Variants in CCDC178 observed in about 807,000 individuals in gnomAD.
The protein encoded by CCDC178 is coiled-coil domain containing 178.
A neutral mutation model predicts 117.4 loss-of-function variants in CCDC178; 126 were observed. That is an observed-to-expected ratio of 1.07 (90% CI 0.93 to 1.24). The LOEUF (loss-of-function observed/expected upper bound fraction) is 1.24, where lower values mean the gene tolerates loss of function less well. Among genes scored for constraint, CCDC178 ranks in the 50% most tolerant of loss-of-function variants. The probability of loss-of-function intolerance (pLI) is 0.00; values close to 1 mark genes in which losing one functional copy is unlikely to be tolerated. For missense variants in CCDC178, 1,030 were observed against 986.9 expected, an observed-to-expected ratio of 1.04 and a Z score of -0.59; for synonymous variants, 283 against 313.4, an observed-to-expected ratio of 0.90 and a Z score of 1.02.
intron 10 of CCDC178, among the ~76,000 whole-genome samples, chr18:33,331,393 T>A (rs1016491756): frequency 1.3e-5 from 2 of 152,040 alleles, no homozygotes; most frequent in African/African-American, 4.8e-5. Flanking sequence ...GTGGCTTCCA[T>A]CCCCAAGGTT....
intron 6 of CCDC178, among the ~76,000 whole-genome samples, chr18:33,366,274 G>A (rs2063205257): frequency 6.6e-6 from 1 of 152,088 alleles, no homozygotes; most frequent in East Asian, 1.9e-4. Context: ...AGACGAGCAG[G>A]GCCAGCATAG....
intron 20 of CCDC178, among the ~76,000 whole-genome samples, chr18:33,095,250 T>C (rs376564818): frequency 6.6e-5 from 10 of 151,968 alleles, no homozygotes; most frequent in Non-Finnish European, 1.3e-4. Flanking sequence ...ATTCCAATTA[T>C]TAATACTTAT....
chr18:33,099,261 C>A (rs1233745595), intron 20 of CCDC178, among the ~76,000 whole-genome samples: 2 of 152,000 alleles, frequency 1.3e-5, no homozygotes, highest in African/African-American at 4.8e-5. Flanking sequence ...GTTCCAAGCA[C>A]CACTGTTTCA....
At chr18:33,124,139 A>C (rs1319809101) in intron 20 of CCDC178, among the ~76,000 whole-genome samples, 1 of 152,216 alleles carries the variant, frequency 6.6e-6, no homozygotes, top group African/African-American at 2.4e-5. Flanking sequence ...ACTACACTTC[A>C]CTGCCCATAG....
chr18:33,039,743 A>T (rs2056512254), intron 21 of CCDC178, among the ~76,000 whole-genome samples: 2 of 152,018 alleles, frequency 1.3e-5, no homozygotes, highest in Admixed American at 1.3e-4. Flanking sequence ...AGGAAATGAC[A>T]ATACAATGAC....
At chr18:33,278,830 T>A (rs1266119450) in intron 12 of CCDC178, among the ~76,000 whole-genome samples, 2 of 152,092 alleles carry the variant, frequency 1.3e-5, no homozygotes, top group Non-Finnish European at 2.9e-5. Flanking sequence ...TAATCCAGCA[T>A]ATAAACAGAA....
chr18:33,127,709 C>T (rs1355453003), intron 20 of CCDC178, among the ~76,000 whole-genome samples: 2 of 152,250 alleles, frequency 1.3e-5, no homozygotes, highest in East Asian at 3.9e-4. Context: ...GCTGGGATTA[C>T]AGGTGTGAGC....
At chr18:32,988,103 T>TC (rs2055303744) in intron 21 of CCDC178, among the ~76,000 whole-genome samples, 1 of 144,716 alleles carries the variant, frequency 6.9e-6, no homozygotes, top group African/African-American at 2.5e-5. Context: ...ATAATAATAA[T>TC]AATAATAATA....
rs368902569 is a variant in CCDC178 at position 33,301,872 on chromosome 18, T to G, written c.1023-8560A>C. ...TAGGACTTTGGACTTGATGCTGGAATGAGTTAAGACTTTTTTTTATTTTGC... is the reference window on the plus strand; with the variant it reads ...TAGGACTTTGGACTTGATGCTGGAAGGAGTTAAGACTTTTTTTTATTTTGC... On this transcript the variant is annotated intron_variant, in intron 11 of 22. Transcript: ENST00000383096. 2.6e-5 allele frequency among the ~76,000 whole-genome samples: 4 copies of G among 152,328 alleles called. No individual in the cohort carries two copies. The East Asian group carries it at 5.8e-4, about 22-fold the overall frequency.
chr18:33,153,591 T>G (rs2058362496), intron 20 of CCDC178, among the ~76,000 whole-genome samples: 1 of 152,098 alleles, frequency 6.6e-6, no homozygotes, highest in African/African-American at 2.4e-5. Flanking sequence ...TTGAGTTATC[T>G]CTCATAATAA....
intron 20 of CCDC178, among the ~76,000 whole-genome samples, chr18:33,151,536 C>T (rs543583604): frequency 6.6e-6 from 1 of 152,126 alleles, no homozygotes; most frequent in Non-Finnish European, 1.5e-5. Context: ...AAAAATACAA[C>T]AGTTCTCTTA....
intron 5 of CCDC178, among the ~76,000 whole-genome samples, chr18:33,381,262 A>G (rs2063435775): frequency 6.6e-6 from 1 of 152,198 alleles, no homozygotes; most frequent in Non-Finnish European, 1.5e-5. Context: ...CCAGCTGGGT[A>G]TGGAGCAGAG....
At chr18:32,963,794 T>C (rs1414661956) in intron 22 of CCDC178, among the ~76,000 whole-genome samples, 2 of 152,054 alleles carry the variant, frequency 1.3e-5, no homozygotes, top group African/African-American at 2.4e-5. Context: ...TCAAGCTCTT[T>C]AAAGACAGAG....
intron 20 of CCDC178, among the ~76,000 whole-genome samples, chr18:33,178,903 T>C (rs1051714795): frequency 6.6e-6 from 1 of 150,728 alleles, no homozygotes; most frequent in Non-Finnish European, 1.5e-5. Context: ...CTTTTTCTTT[T>C]CTCATTCCAT....
chr18:33,429,550 T>C (rs1599311124), intron 2 of CCDC178, among the ~76,000 whole-genome samples: 1 of 152,210 alleles, frequency 6.6e-6, no homozygotes, highest in African/African-American at 2.4e-5. Flanking sequence ...ATAACATATT[T>C]ATGTTGTGAA....
chr18:33,035,035 T>G (rs569596133), intron 21 of CCDC178, among the ~76,000 whole-genome samples: 25 of 151,980 alleles, frequency 1.6e-4, no homozygotes, highest in Non-Finnish European at 3.4e-4. Flanking sequence ...GAGACATGTT[T>G]ATTTAAGGTC....
At chr18:32,978,986 G>C (rs1219979727) in intron 21 of CCDC178, among the ~76,000 whole-genome samples, 1 of 150,248 alleles carries the variant, frequency 6.7e-6, no homozygotes, top group Non-Finnish European at 1.5e-5. Context: ...GCAGTGAGCA[G>C]AGATCGCGCC....
intron 20 of CCDC178, among the ~76,000 whole-genome samples, chr18:33,136,469 A>G (rs1456137540): frequency 1.3e-5 from 2 of 152,176 alleles, no homozygotes; most frequent in Non-Finnish European, 2.9e-5. Context: ...GGGTTAGAAT[A>G]ACTAGAGTTG....
chr18:33,237,056 C>T (rs1355198345), intron 15 of CCDC178, among the ~76,000 whole-genome samples: 1 of 152,174 alleles, frequency 6.6e-6, no homozygotes, highest in African/African-American at 2.4e-5. Flanking sequence ...AACTCCCACC[C>T]ACCTCCTGTG....
Sources: gnomAD v4.1 joint callset for allele counts (sites outside exome capture counted in the v4.1 genomes callset) on GRCh38, gnomAD v4.1.1 for gene constraint, MANE v1.5 for transcripts, NCBI Gene and HGNC (gene_info 2026-07-23, HGNC 2026-07-21) for gene names.